TOR1AIP2: variants seen among roughly 807,000 people sequenced by gnomAD.
TOR1AIP2 encodes the protein torsin-1A-interacting protein 2.
In TOR1AIP2, 20 loss-of-function variants were observed where a neutral mutation model predicts 32.6. The observed-to-expected ratio is 0.61, with a 90% CI of 0.43 to 0.89. TOR1AIP2 has a LOEUF of 0.89. Among genes scored for constraint, TOR1AIP2 ranks in the 40% least tolerant of loss-of-function variants. The pLI is 0.00. For missense variants in TOR1AIP2, 456 were observed against 553.8 expected, an observed-to-expected ratio of 0.82 and a Z score of 1.77; for synonymous variants, 214 against 210.8, an observed-to-expected ratio of 1.02 and a Z score of -0.13.
intron 2 of TOR1AIP2, among the ~76,000 whole-genome samples, chr1:179,870,802 T>G (rs1412288109): frequency 1.3e-5 from 2 of 152,262 alleles, no homozygotes; most frequent in African/African-American, 4.8e-5. Flanking sequence ...CTTTCTCAAC[T>G]TCATTAGCTT....
intron 3 of TOR1AIP2, chr1:179,860,917 T>C: frequency 1.0e-6 from 1 of 985,514 alleles, no homozygotes; most frequent in Non-Finnish European, 1.2e-6. Flanking sequence ...TTGGATGCCA[T>C]GGACTCATTT....
chr1:179,861,493 CTT>C (rs1558019713), intron 3 of TOR1AIP2: 10 of 984,488 alleles, frequency 1.0e-5, no homozygotes, highest in Non-Finnish European at 1.2e-5. Context: ...AAGTAACCCT[CTT>C]AATATTAAAA....
At chr1:179,875,962 T>C (rs974838544) in intron 2 of TOR1AIP2, 1 of 152,238 alleles carries the variant, frequency 6.6e-6, no homozygotes, top group African/African-American at 2.4e-5. Context: ...TGTAGAAATA[T>C]TAATGAAATT....
chr1:179,858,420 A>C (rs1696389325), intron 3 of TOR1AIP2, among the ~76,000 whole-genome samples: 1 of 151,878 alleles, frequency 6.6e-6, no homozygotes, highest in Non-Finnish European at 1.5e-5. Flanking sequence ...AACTGTACAC[A>C]TAAAGTTTCC....
At chr1:179,848,395 T>C (rs1010480758) in intron 5 of TOR1AIP2, among the ~76,000 whole-genome samples, 5 of 152,164 alleles carry the variant, frequency 3.3e-5, no homozygotes, top group African/African-American at 1.2e-4. Context: ...AGTTCTAAGA[T>C]AGGAGAGATT....
chr1:179,848,016 G>C (rs1189308222), intron 5 of TOR1AIP2, among the ~76,000 whole-genome samples: 2 of 142,352 alleles, frequency 1.4e-5, no homozygotes, highest in African/African-American at 2.6e-5. Flanking sequence ...CTGGGGGACA[G>C]AGCAAGACTC....
chr1:179,847,955 C>T lies in TOR1AIP2; in HGVS notation c.554-319G>A, dbSNP rs188077968. Among the ~76,000 whole-genome samples, 990 of 151,634 alleles carry T rather than the reference C, an allele frequency of 6.5e-3. 7 individuals are homozygous for T. The highest frequency in any genetic ancestry group is 9.8e-3 in the Non-Finnish European group (664 of 67,926). On this transcript the variant is annotated intron_variant, in intron 5 of 6. Coordinates refer to ENST00000609928, the MANE Select transcript of TOR1AIP2 (RefSeq NM_001199260.2). The stretch of plus-strand genomic sequence containing the variant: ...GGCTGAGGCAGGAGAATCGCTTGAA[C>T]CTGGGAGGTGGAGGTTGCAGTGAGC...
intron 3 of TOR1AIP2, chr1:179,861,003 A>G (rs1456154191): frequency 4.1e-6 from 4 of 985,302 alleles, no homozygotes; most frequent in Non-Finnish European, 4.8e-6. Context: ...CATATCCCCC[A>G]ACAGCCACCT....
In TOR1AIP2 at chr1:179,859,639, C is replaced by CAT. The variant is rs543535045; in HGVS notation, c.-147+5795_-147+5796dup. On this transcript the variant is annotated intron_variant, in intron 3 of 6. Coordinates refer to ENST00000609928, the MANE Select transcript of TOR1AIP2 (RefSeq NM_001199260.2). The stretch of plus-strand genomic sequence containing the variant: ...GTGGAAAGTCTCAGGTGATAAAAGT[C>CAT]ATACAGCAATTATATCTACCATAAT... 114 of 985,342 alleles carry CAT rather than the reference C, an allele frequency of 1.2e-4. 1 individual carries two copies. In the South Asian group the frequency reaches 4.7e-3, roughly 41 times the overall value. The allele number at this position is 985,342 out of a possible 1,614,324, so 61.0% of individuals were successfully genotyped here. A position where few individuals can be genotyped will look rare whatever the true frequency, so the allele number is the denominator to read the frequency against.
At chr1:179,855,695 T>C (rs935004012) in intron 3 of TOR1AIP2, among the ~76,000 whole-genome samples, 1 of 152,156 alleles carries the variant, frequency 6.6e-6, no homozygotes, top group Admixed American at 6.5e-5. Flanking sequence ...AGACGTATAA[T>C]AGAGAATCTC....
intron 3 of TOR1AIP2, chr1:179,861,605 GTTTA>G (rs1696535278): frequency 1.0e-6 from 1 of 985,228 alleles, no homozygotes; most frequent in Non-Finnish European, 1.2e-6. Context: ...TTCCTGATTA[GTTTA>G]ATTAATGAGA....
rs927147652 is a variant in TOR1AIP2 at position 179,843,648 on chromosome 1, CCT to C, written c.*2421_*2422del. ...ACCAGCCTAGGCAACACAGTAAGAC[CCT>C]GTCTCTATACAAAATAGTGTGGTAG... On this transcript the variant is annotated 3_prime_UTR_variant, in exon 7 of 7. Transcript: ENST00000609928. 2.0e-5 allele frequency: 3 copies of C among 151,450 alleles called. No homozygotes were observed. Among genetic ancestry groups the C allele is most frequent in the African/African-American group, 7.3e-5 (3 of 41,138 alleles). 9.4% of individuals were successfully genotyped at this position (151,450 alleles called of 1,614,324 possible).
At chr1:179,875,511 A>G (rs1234329178) in intron 2 of TOR1AIP2, 1 of 152,218 alleles carries the variant, frequency 6.6e-6, no homozygotes, top group African/African-American at 2.4e-5. Flanking sequence ...AAACCCCAGA[A>G]GACACCAATG....
At chr1:179,867,768 C>T (rs1696842976) in intron 2 of TOR1AIP2, 1 of 152,168 alleles carries the variant, frequency 6.6e-6, no homozygotes, top group South Asian at 2.1e-4. Context: ...CCATCCATTC[C>T]CCAACCTTCA....
Position 179,845,971 on chromosome 1 carries a change from C to G in TOR1AIP2, c.*100G>C, listed in dbSNP as rs577741014. The stretch of plus-strand genomic sequence containing the variant: ...CTCATCTTTGTTTTTCAGGCTATTT[C>G]CTCAAGCTATTTTATCAACCTCCTT... On this transcript the variant is annotated 3_prime_UTR_variant, in exon 7 of 7. Coordinates refer to ENST00000609928, the MANE Select transcript of TOR1AIP2 (RefSeq NM_001199260.2). 2.1e-4 allele frequency: 228 copies of G among 1,077,170 alleles called. 1 individual carries two copies. The East Asian group carries it at 5.4e-3, about 26-fold the overall frequency. 66.7% of individuals were successfully genotyped at this position (1,077,170 alleles called of 1,614,324 possible).
chr1:179,851,269 T>A lies in TOR1AIP2; in HGVS notation c.129A>T (p.Leu43=). Residue 43 remains leucine (L), a synonymous_variant, in exon 5 of 7, where the codon CTA becomes CTT. Coordinates refer to ENST00000609928, the MANE Select transcript of TOR1AIP2 (RefSeq NM_001199260.2). The part of the protein sequence containing the change: ...IASNAEEAEI[L]HSACGLSKDH... ...CTTTGCTAAGACCACAGGCAGAGTGTAGGATCTCAGCTTCTTCAGCATTAC... is the reference window on the plus strand; with the variant it reads ...CTTTGCTAAGACCACAGGCAGAGTGAAGGATCTCAGCTTCTTCAGCATTAC... 1 of 1,611,928 alleles carries A rather than the reference T, an allele frequency of 6.2e-7. No homozygotes were observed. Among genetic ancestry groups the A allele is most frequent in the Non-Finnish European group, 8.5e-7 (1 of 1,179,984 alleles).
At chr1:179,854,346 T>C (rs1696219918) in intron 3 of TOR1AIP2, among the ~76,000 whole-genome samples, 1 of 151,816 alleles carries the variant, frequency 6.6e-6, no homozygotes, top group Non-Finnish European at 1.5e-5. Context: ...GAAAAAAAAA[T>C]ATCATGCATA....
chr1:179,840,889 T>TATAGTA lies in TOR1AIP2; in HGVS notation c.*5181_*5182insTACTAT, dbSNP rs1553233706. 1 of 146,784 alleles carries TATAGTA rather than the reference T, an allele frequency of 6.8e-6. No homozygotes were observed. Among genetic ancestry groups the TATAGTA allele is most frequent in the South Asian group, 2.2e-4 (1 of 4,642 alleles). 9.1% of individuals were successfully genotyped at this position (146,784 alleles called of 1,614,324 possible). On this transcript the variant is annotated 3_prime_UTR_variant, in exon 7 of 7. Coordinates refer to ENST00000609928, the MANE Select transcript of TOR1AIP2 (RefSeq NM_001199260.2). ...TCCACATGTATCCCAGAACTTAAAC[T>TATAGTA]ATAATAATAATAATAATAATAATAA...
intron 3 of TOR1AIP2, among the ~76,000 whole-genome samples, chr1:179,858,289 GAAT>G (rs1226045000): frequency 2.6e-5 from 4 of 151,912 alleles, no homozygotes; most frequent in Non-Finnish European, 4.4e-5. Context: ...CATGTACAGA[GAAT>G]AATGTACAGC....
Sources: gnomAD v4.1 joint callset for allele counts (sites outside exome capture counted in the v4.1 genomes callset) on GRCh38, gnomAD v4.1.1 for gene constraint, MANE v1.5 for transcripts, NCBI Gene and HGNC (gene_info 2026-07-23, HGNC 2026-07-21) for gene names.